The following CLCA1 variants were observed in gnomAD, a reference collection of about 807,000 sequenced individuals.
CLCA1 encodes chloride channel accessory 1.
Under a neutral mutation model 85.6 loss-of-function variants are expected in CLCA1, and 59 were observed. The observed-to-expected ratio is 0.69, with a 90% CI of 0.56 to 0.86. The LOEUF (loss-of-function observed/expected upper bound fraction) is 0.86, where lower values mean the gene tolerates loss of function less well. Ranked by LOEUF, CLCA1 falls within the 40% of genes least tolerant of loss-of-function variation. The pLI is 0.00. For synonymous variants in CLCA1, 396 were observed against 398.3 expected (o/e 0.99, Z 0.07); for missense variants, 1,022 against 1,101.4 (o/e 0.93, Z 1.02).
chr1:86,473,024 G>A (rs1647544908), intron 1 of CLCA1, among the ~76,000 whole-genome samples: 2 of 152,316 alleles, frequency 1.3e-5, no homozygotes, highest in East Asian at 1.9e-4. Flanking sequence ...TTGCTTGTGC[G>A]AAGTAAACAC....
At chr1:86,483,570 T>C (rs1647876910) in intron 5 of CLCA1, among the ~76,000 whole-genome samples, 1 of 152,148 alleles carries the variant, frequency 6.6e-6, no homozygotes, top group African/African-American at 2.4e-5. Context: ...CTAGCAAGTG[T>C]TATATGACAT....
chr1:86,473,906 C>CA, intron 3 of CLCA1, 30 bp downstream of exon 3: 1 of 1,535,240 alleles, frequency 6.5e-7, no homozygotes, highest in Non-Finnish European at 8.9e-7. Context: ...ACTTCTCATA[C>CA]AATTTAACTA....
intron 6 of CLCA1, 44 bp downstream of exon 6, chr1:86,485,605 A>G (rs759620891): frequency 6.4e-7 from 1 of 1,562,224 alleles, no homozygotes; most frequent in African/African-American, 1.4e-5. Context: ...GGTCACAGAT[A>G]TGCATGTTCT....
In CLCA1 at chr1:86,473,731, T is replaced by G; in HGVS notation, c.306T>G (p.Ala102=). 1 of 1,571,440 alleles carries G rather than the reference T, an allele frequency of 6.4e-7. No homozygotes were observed. The highest frequency in any genetic ancestry group is 8.6e-7 in the Non-Finnish European group (1 of 1,159,812). ...VRPKLETYKN[A]DVLVAESTPP... is the part of the protein sequence containing the mutation. ...AGAAACTTTTTCTTAAATTTCAGGCTGATGTTCTGGTTGCTGAGTCTACTC... is the reference window on the plus strand; with the variant it reads ...AGAAACTTTTTCTTAAATTTCAGGCGGATGTTCTGGTTGCTGAGTCTACTC... Residue 102 remains alanine (A), a splice_region_variant and synonymous_variant, in exon 3 of 14, where the codon GCT becomes GCG. Coordinates refer to ENST00000394711, the MANE Select transcript of CLCA1 (RefSeq NM_001285.4).
Position 86,491,370 on chromosome 1 carries a change from A to G in CLCA1, c.1463A>G (p.Gln488Arg), listed in dbSNP as rs1648130045. The G allele has an allele frequency of 6.3e-7, 1 of 1,599,946 alleles. No individual in the cohort carries two copies. Among genetic ancestry groups the G allele is most frequent in the African/African-American group, 1.3e-5 (1 of 74,548 alleles). Residue 488 changes from glutamine (Q) to arginine (R), a missense_variant and splice_region_variant, in exon 9 of 14, where the codon CAG becomes CGG. Physicochemically the swap from Gln to Arg is conservative, Grantham distance 43. Coordinates refer to ENST00000394711, the MANE Select transcript of CLCA1 (RefSeq NM_001285.4). The part of the protein sequence containing the change: ...GNGAVSQRSI[Q>R]LESKGLTLQN... The stretch of plus-strand genomic sequence containing the variant: ...GGAGCTGTCTCTCAGCGCTCCATCC[A>G]GGTTGGAGTTCTTAATCTTTGGTTT...
intron 4 of CLCA1, among the ~76,000 whole-genome samples, chr1:86,478,820 G>T (rs1446997612): frequency 2.0e-5 from 3 of 152,080 alleles, no homozygotes; most frequent in Non-Finnish European, 2.9e-5. Flanking sequence ...AATATGTATT[G>T]CTCATTATCT....
In CLCA1 at chr1:86,473,796, A is replaced by C; in HGVS notation, c.371A>C (p.Asn124Thr). ...NDEPYTEQMG[N>T]CGEKGERIHL... ...GAACCCTACACTGAGCAGATGGGCA[A>C]CTGTGGAGAGAAGGGTGAAAGGATC... Residue 124 changes from asparagine (N) to threonine (T), a missense_variant, in exon 3 of 14, where the codon AAC (asparagine) becomes ACC (threonine). Transcript: ENST00000394711. 6.2e-7 allele frequency: 1 copy of C among 1,613,152 alleles called. No individual in the cohort carries two copies. The highest frequency in any genetic ancestry group is 1.3e-5 in the African/African-American group (1 of 75,046).
chr1:86,482,208 T>G lies in CLCA1; in HGVS notation c.561T>G (p.Cys187Trp). 1 of 1,612,722 alleles carries G rather than the reference T, an allele frequency of 6.2e-7. No individual in the cohort carries two copies. The highest frequency in any genetic ancestry group is 1.3e-5 in the African/African-American group (1 of 75,010). Reference sequence around the variant, plus strand: ...TCTAACCTTCCTATATTTTCAGATGTTCAGCAGGTATTACTGGTACAAATG... The same window carrying G: ...TCTAACCTTCCTATATTTTCAGATGGTCAGCAGGTATTACTGGTACAAATG... ...LSNGRIQAVR[C>W]SAGITGTNVV... is the part of the protein sequence containing the mutation. The change falls in exon 5 of 14, where the codon TGT (cysteine) becomes TGG (tryptophan). Residue 187 changes from cysteine (C) to tryptophan (W), a missense_variant. Coordinates refer to ENST00000394711, the MANE Select transcript of CLCA1 (RefSeq NM_001285.4).
chr1:86,482,237 T>A lies in CLCA1; in HGVS notation c.590T>A (p.Val197Glu). The change falls in exon 5 of 14, where the codon GTA becomes GAA. Residue 197 changes from valine (V) to glutamate (E), a missense_variant. Val to Glu is a moderately radical substitution (Grantham distance 121, BLOSUM62 -2). Transcript: ENST00000394711. ...GCAGGTATTACTGGTACAAATGTAG[T>A]AAAGAAGTGTCAGGGAGGCAGCTGT... ...CSAGITGTNV[V>E]KKCQGGSCYT... is the part of the protein sequence containing the mutation. 6.2e-7 allele frequency: 1 copy of A among 1,613,920 alleles called. No homozygotes were observed. Among genetic ancestry groups the A allele is most frequent in the African/African-American group, 1.3e-5 (1 of 75,012 alleles).
chr1:86,479,879 C>T (rs548281729), intron 4 of CLCA1, among the ~76,000 whole-genome samples: 25 of 152,104 alleles, frequency 1.6e-4, no homozygotes, highest in African/African-American at 5.8e-4. Flanking sequence ...AGTGAGACTC[C>T]ATCTCAAAAA....
intron 5 of CLCA1, among the ~76,000 whole-genome samples, chr1:86,484,223 C>T (rs1214580472): frequency 6.6e-6 from 1 of 152,008 alleles, no homozygotes; most frequent in Admixed American, 6.5e-5. Context: ...GTTAAAGGGG[C>T]CTTATTGAAA....
chr1:86,478,141 CA>C (rs1477387071), intron 4 of CLCA1, among the ~76,000 whole-genome samples: 1 of 152,070 alleles, frequency 6.6e-6, no homozygotes, highest in Non-Finnish European at 1.5e-5. Context: ...AAAGAGACAT[CA>C]AGTGGGCCGG....
chr1:86,472,376 T>C (rs1452656564), intron 1 of CLCA1, among the ~76,000 whole-genome samples: 1 of 152,190 alleles, frequency 6.6e-6, no homozygotes, highest in African/African-American at 2.4e-5. Context: ...CAGCTCCTCA[T>C]TTCCTCTGCA....
intron 1 of CLCA1, among the ~76,000 whole-genome samples, chr1:86,470,642 A>T (rs1369385069): frequency 6.6e-6 from 1 of 152,158 alleles, no homozygotes. Context: ...TCCAGTATGG[A>T]TCCTAAAGTT....
At chr1:86,484,040 G>A (rs1647892891) in intron 5 of CLCA1, among the ~76,000 whole-genome samples, 4 of 152,094 alleles carry the variant, frequency 2.6e-5, no homozygotes, top group Admixed American at 6.6e-5. Context: ...GATTACGTGG[G>A]AACTCACTCA....
intron 11 of CLCA1, among the ~76,000 whole-genome samples, 173 bp from the exon 12 acceptor site, chr1:86,495,332 C>T (rs1311875615): frequency 2.6e-5 from 4 of 152,176 alleles, no homozygotes; most frequent in African/African-American, 9.7e-5. Context: ...CATAAAACCA[C>T]ACACAGTGAT....
At position 86,498,725 on chromosome 1, in the gene CLCA1, T is replaced by G; in HGVS notation, c.2267T>G (p.Ile756Ser). 3 of 1,614,062 alleles carry G rather than the reference T, an allele frequency of 1.9e-6. No homozygotes were observed. Among genetic ancestry groups the G allele is most frequent in the Non-Finnish European group, 2.5e-6 (3 of 1,179,992 alleles). Residue 756 changes from isoleucine (I) to serine (S), a missense_variant, in exon 13 of 14, where the codon ATC becomes AGC. By Grantham distance (142) the Ile-to-Ser change is moderately radical. Coordinates refer to ENST00000394711, the MANE Select transcript of CLCA1 (RefSeq NM_001285.4). ...CCTGATCTCTTCCCACCTGGCCAAA[T>G]CACCGACCTGAAGGCGGAAATTCAC... ...PIPDLFPPGQ[I>S]TDLKAEIHGG... is the part of the protein sequence containing the mutation.
At chr1:86,471,432 G>T (rs975829243) in intron 1 of CLCA1, among the ~76,000 whole-genome samples, 3 of 152,124 alleles carry the variant, frequency 2.0e-5, no homozygotes, top group Non-Finnish European at 4.4e-5. Flanking sequence ...GTCTAAATAT[G>T]TATTAGGATA....
At chr1:86,494,909 GCA>G (rs1458999789) in intron 11 of CLCA1, among the ~76,000 whole-genome samples, 1 of 152,012 alleles carries the variant, frequency 6.6e-6, no homozygotes, top group African/African-American at 2.4e-5. Context: ...ATAGATTCAA[GCA>G]CAGTCCTATA....
Sources: gnomAD v4.1 joint callset for allele counts (sites outside exome capture counted in the v4.1 genomes callset) on GRCh38, gnomAD v4.1.1 for gene constraint, MANE v1.5 for transcripts, NCBI Gene and HGNC (gene_info 2026-07-23, HGNC 2026-07-21) for gene names.